The following CPNE4 variants were observed in gnomAD, a reference collection of about 807,000 sequenced individuals.
The protein encoded by CPNE4 is copine-4.
In CPNE4, 25 loss-of-function variants were observed where a neutral mutation model predicts 67.9. The ratio of observed to expected loss-of-function variants is 0.37; its 90% CI spans 0.27 to 0.51. The LOEUF is 0.51. Ranked by LOEUF, CPNE4 falls within the 20% of genes least tolerant of loss-of-function variation. The pLI, the probability that CPNE4 is intolerant of heterozygous loss-of-function variation, is 0.93. For missense variants in CPNE4, 464 were observed against 690.8 expected (o/e 0.67, Z 3.68); for synonymous variants, 242 against 244.9 (o/e 0.99, Z 0.11).
At chr3:131,695,235 C>G (rs1033519792) in intron 5 of CPNE4, among the ~76,000 whole-genome samples, 4 of 152,172 alleles carry the variant, frequency 2.6e-5, no homozygotes, top group African/African-American at 7.2e-5. Flanking sequence ...GTTTCCAGCA[C>G]TGGGGCATTC....
intron 2 of CPNE4, among the ~76,000 whole-genome samples, chr3:131,809,131 A>C (rs977610578): frequency 9.2e-5 from 14 of 152,166 alleles, no homozygotes; most frequent in African/African-American, 3.4e-4. Context: ...AGCTGAACTT[A>C]ATATAGGGAG....
intron 1 of CPNE4, among the ~76,000 whole-genome samples, chr3:131,944,060 A>T (rs545424476): frequency 1.3e-5 from 2 of 152,148 alleles, no homozygotes; most frequent in African/African-American, 4.8e-5. Flanking sequence ...CTTTGAAGAC[A>T]AGAACTATTT....
upstream of CPNE4, chr3:132,037,672 A>G: frequency 3.5e-6 from 5 of 1,414,800 alleles, no homozygotes; most frequent in Non-Finnish European, 4.8e-6. Context: ...CAAGTTGCAA[A>G]GGAAGCTTCA....
chr3:131,975,387 T>C (rs556630048), intron 1 of CPNE4, among the ~76,000 whole-genome samples: 1 of 152,268 alleles, frequency 6.6e-6, no homozygotes, highest in East Asian at 1.9e-4. Flanking sequence ...GAGAATGACT[T>C]CTCCTAGCTG....
intron 1 of CPNE4, among the ~76,000 whole-genome samples, chr3:131,992,559 G>A (rs987335718): frequency 7.3e-6 from 1 of 136,066 alleles, no homozygotes; most frequent in African/African-American, 2.5e-5. Flanking sequence ...TCTCAGATGA[G>A]ACTTTGGACT....
At chr3:131,818,606 A>T (rs1267613599) in intron 2 of CPNE4, among the ~76,000 whole-genome samples, 1 of 152,206 alleles carries the variant, frequency 6.6e-6, no homozygotes, top group Admixed American at 6.5e-5. Context: ...CTCTATGCCT[A>T]ACCTGTTGAA....
intron 2 of CPNE4, among the ~76,000 whole-genome samples, chr3:131,795,352 G>A (rs1267038493): frequency 6.6e-6 from 1 of 152,166 alleles, no homozygotes; most frequent in Non-Finnish European, 1.5e-5. Context: ...TGACTGAACA[G>A]AACCCCTCTT....
chr3:131,630,551 T>A (rs971143807), intron 7 of CPNE4, among the ~76,000 whole-genome samples: 2 of 152,218 alleles, frequency 1.3e-5, no homozygotes, highest in African/African-American at 4.8e-5. Context: ...TGATGTCCAT[T>A]AGGCCCACCA....
chr3:131,781,412 T>C (rs1403133770), intron 2 of CPNE4, among the ~76,000 whole-genome samples: 2 of 152,144 alleles, frequency 1.3e-5, no homozygotes, highest in Admixed American at 1.3e-4. Flanking sequence ...CTTCAAATTT[T>C]ATTCCAGTCA....
At chr3:131,810,391 G>T (rs199581635) in intron 2 of CPNE4, among the ~76,000 whole-genome samples, 1 of 151,988 alleles carries the variant, frequency 6.6e-6, no homozygotes, top group Non-Finnish European at 1.5e-5. Flanking sequence ...CAAATAACCT[G>T]ATTGTAAAAT....
chr3:131,708,957 G>GATAGATATATATAT (rs1553757019), intron 3 of CPNE4, among the ~76,000 whole-genome samples: 5 of 65,802 alleles, frequency 7.6e-5, no homozygotes, highest in Middle Eastern at 0.015. Context: ...AGGGCATAAA[G>GATAGATATATATAT]ATATATATAT....
chr3:131,858,989 T>A (rs1165839738), intron 2 of CPNE4, among the ~76,000 whole-genome samples: 1 of 152,114 alleles, frequency 6.6e-6, no homozygotes, highest in Non-Finnish European at 1.5e-5. Flanking sequence ...GACCAGCTAT[T>A]TGTATTAAAG....
intron 1 of CPNE4, among the ~76,000 whole-genome samples, chr3:131,918,530 T>C (rs969665258): frequency 1.8e-4 from 27 of 152,092 alleles, no homozygotes; most frequent in African/African-American, 5.5e-4. Flanking sequence ...AAAATAGCCA[T>C]AGACAGACTC....
intron 14 of CPNE4, among the ~76,000 whole-genome samples, chr3:131,545,727 A>G (rs914568594): frequency 2.6e-5 from 4 of 152,198 alleles, no homozygotes; most frequent in African/African-American, 4.8e-5. Context: ...GCATTTCAAT[A>G]TAATTGGTTT....
chr3:131,916,516 C>G (rs1346500814), intron 1 of CPNE4, among the ~76,000 whole-genome samples: 1 of 152,136 alleles, frequency 6.6e-6, no homozygotes, highest in South Asian at 2.1e-4. Flanking sequence ...GCTTCATGTA[C>G]TTTTTTAATT....
At position 131,547,455 on chromosome 3, in the gene CPNE4, CA is replaced by C. The variant is rs56412825; in HGVS notation, c.1302+2491del. Among the ~76,000 whole-genome samples the C allele has an allele frequency of 8.2e-5, 3 of 36,524 alleles. 1 individual carries two copies. The highest frequency in any genetic ancestry group is 1.7e-4 in the Non-Finnish European group (3 of 17,696). The allele number at this position is 36,524 out of a possible 152,430, so 24.0% of individuals were successfully genotyped here. On this transcript the variant is annotated intron_variant, in intron 14 of 15. Transcript: ENST00000429747. Reference sequence around the variant, plus strand: ...TGGGTGATAGACCAAGACCCTGTCGCAAAAAAAAAAAAAAAAAAAAAAAAAA... The same window carrying C: ...TGGGTGATAGACCAAGACCCTGTCGCAAAAAAAAAAAAAAAAAAAAAAAAA...
intron 2 of CPNE4, among the ~76,000 whole-genome samples, chr3:131,756,110 A>C (rs1403706310): frequency 6.6e-6 from 1 of 152,160 alleles, no homozygotes; most frequent in East Asian, 1.9e-4. Context: ...AATGACAAAA[A>C]GCTTTGGTGT....
At chr3:131,544,128 G>C (rs1008614971) in intron 14 of CPNE4, among the ~76,000 whole-genome samples, 1 of 152,218 alleles carries the variant, frequency 6.6e-6, no homozygotes, top group Non-Finnish European at 1.5e-5. Flanking sequence ...TTAGTCAGAT[G>C]CAGCTCAGGC....
At chr3:131,655,961 C>T (rs1338417679) in intron 7 of CPNE4, among the ~76,000 whole-genome samples, 2 of 151,980 alleles carry the variant, frequency 1.3e-5, no homozygotes, top group African/African-American at 4.8e-5. Flanking sequence ...ATCCACAAGG[C>T]TACTTTCTTT....
Sources: gnomAD v4.1 joint callset for allele counts (sites outside exome capture counted in the v4.1 genomes callset) on GRCh38, gnomAD v4.1.1 for gene constraint, MANE v1.5 for transcripts, NCBI Gene and HGNC (gene_info 2026-07-23, HGNC 2026-07-21) for gene names.